CEP83: variants seen among roughly 807,000 people sequenced by gnomAD.
The protein encoded by CEP83 is centrosomal protein 83, also known as centrosomal protein of 83 kDa.
In CEP83, 70 loss-of-function variants were observed where a neutral mutation model predicts 101.9. That is an observed-to-expected ratio of 0.69 (90% CI 0.57 to 0.84). CEP83 has a LOEUF of 0.84. CEP83 is among the 40% of genes least tolerant of loss of function. CEP83 has a pLI of 0.00. For missense variants in CEP83, 715 were observed against 787.2 expected (o/e 0.91, Z 1.10); for synonymous variants, 264 against 267.9 (o/e 0.99, Z 0.14).
At chr12:94,405,014 C>T (rs2063458626) in intron 4 of CEP83, among the ~76,000 whole-genome samples, 2 of 152,102 alleles carry the variant, frequency 1.3e-5, no homozygotes, top group South Asian at 4.1e-4. Flanking sequence ...GGGAGAGTAG[C>T]TGTAGCTGTG....
intron 5 of CEP83, among the ~76,000 whole-genome samples, chr12:94,402,056 G>C (rs1386938121): frequency 6.6e-6 from 1 of 152,206 alleles, no homozygotes; most frequent in Non-Finnish European, 1.5e-5. Context: ...TATATAAAAT[G>C]TCTACCAAGT....
At chr12:94,340,220 A>G (rs2059619971) in intron 11 of CEP83, among the ~76,000 whole-genome samples, 1 of 152,220 alleles carries the variant, frequency 6.6e-6, no homozygotes, top group Non-Finnish European at 1.5e-5. Context: ...ACTACAGGAT[A>G]TCATAAATGT....
intron 11 of CEP83, among the ~76,000 whole-genome samples, chr12:94,341,740 T>G (rs1222562477): frequency 6.6e-6 from 1 of 152,130 alleles, no homozygotes; most frequent in Non-Finnish European, 1.5e-5. Flanking sequence ...GCTAAAGGAA[T>G]GAAAGCTGTT....
intron 6 of CEP83, among the ~76,000 whole-genome samples, chr12:94,381,441 T>C (rs762331609): frequency 1.3e-5 from 2 of 152,212 alleles, no homozygotes; most frequent in African/African-American, 4.8e-5. Context: ...TGTTAACTAA[T>C]ATTACTTTTT....
chr12:94,301,339 C>CTATGGA, the CEP83 span, among the ~76,000 whole-genome samples: 1 of 152,168 alleles, frequency 6.6e-6, no homozygotes, highest in African/African-American at 2.4e-5. Context: ...GAAAAATATT[C>CTATGGA]TATGGACACT....
At chr12:94,342,519 GC>G (rs1366148397) in intron 11 of CEP83, among the ~76,000 whole-genome samples, 1 of 152,092 alleles carries the variant, frequency 6.6e-6, no homozygotes, top group African/African-American at 2.4e-5. Flanking sequence ...CCAAATCCCA[GC>G]AAGTGATCTC....
chr12:94,388,692 C>CT (rs2137334190), intron 6 of CEP83, among the ~76,000 whole-genome samples: 1 of 152,268 alleles, frequency 6.6e-6, no homozygotes, highest in East Asian at 1.9e-4. Context: ...TTTACACTGA[C>CT]TTTAATTTGT....
At chr12:94,426,201 C>G (rs531901861) in intron 2 of CEP83, among the ~76,000 whole-genome samples, 1 of 152,064 alleles carries the variant, frequency 6.6e-6, no homozygotes, top group South Asian at 2.1e-4. Context: ...TGAGCACATA[C>G]TGCTGTTTTC....
In CEP83 at chr12:94,308,698, C is replaced by A; in HGVS notation, c.*115G>T. On this transcript the variant is annotated 3_prime_UTR_variant, in exon 17 of 17. Transcript: ENST00000397809. Reference sequence around the variant, plus strand: ...ATGTAGTAGGTACCTTTTCTTGAGGCACATTCAAGTGTTTTGGCAAACAGT... The same window carrying A: ...ATGTAGTAGGTACCTTTTCTTGAGGAACATTCAAGTGTTTTGGCAAACAGT... The A allele has an allele frequency of 4.5e-6, 3 of 671,034 alleles. No homozygotes were observed. The highest frequency in any genetic ancestry group is 2.4e-5 in the Admixed American group (1 of 41,048). 41.6% of individuals were successfully genotyped at this position (671,034 alleles called of 1,614,324 possible).
intron 11 of CEP83, among the ~76,000 whole-genome samples, chr12:94,347,542 TA>T (rs2059997610): frequency 1.3e-5 from 2 of 152,216 alleles, no homozygotes; most frequent in Admixed American, 6.5e-5. Context: ...TATGACTTAG[TA>T]ATCCCATTTC....
rs182922573 is a variant in CEP83, at chr12:94,344,439, A to G, written c.1344-8775T>C. On this transcript the variant is annotated intron_variant, in intron 11 of 16. Transcript: ENST00000397809. ...TAAACTAAAAGAAAGCCCAAGGTAT[A>G]CAACATGACCTTAGAAAACTCTAAG... Among the ~76,000 whole-genome samples, 179 of 152,320 alleles carry G rather than the reference A, an allele frequency of 1.2e-3. 1 individual carries two copies. The East Asian group carries it at 0.023, about 20-fold the overall frequency.
intron 11 of CEP83, among the ~76,000 whole-genome samples, chr12:94,357,363 G>GA (rs1555228535): frequency 1.3e-5 from 2 of 151,982 alleles, no homozygotes; most frequent in African/African-American, 2.4e-5. Context: ...AAAGAATGTA[G>GA]AAAAAATCAG....
chr12:94,267,847 CCTT>C, the CEP83 span, among the ~76,000 whole-genome samples: 1 of 152,182 alleles, frequency 6.6e-6, no homozygotes, highest in Non-Finnish European at 1.5e-5. Context: ...TCCCTCCTCC[CCTT>C]CTTTTTCACT....
intron 11 of CEP83, among the ~76,000 whole-genome samples, chr12:94,362,081 A>G (rs921453103): frequency 6.6e-6 from 1 of 152,208 alleles, no homozygotes; most frequent in Non-Finnish European, 1.5e-5. Context: ...AGCCCCAAGT[A>G]ATTTCATTTA....
the CEP83 span, among the ~76,000 whole-genome samples, chr12:94,299,628 C>T: frequency 1.7e-4 from 26 of 151,734 alleles, no homozygotes; most frequent in African/African-American, 4.8e-4. Context: ...GGTGGGATCT[C>T]GGTTCACTGC....
intron 11 of CEP83, among the ~76,000 whole-genome samples, chr12:94,346,216 AT>A (rs945620838): frequency 2.0e-5 from 3 of 151,606 alleles, no homozygotes; most frequent in Non-Finnish European, 4.4e-5. Context: ...CGCCCAACTA[AT>A]TTTTTTTGTA....
chr12:94,343,470 C>CTTTTTTTTTTTTTT lies in CEP83; in HGVS notation c.1344-7820_1344-7807dup, dbSNP rs1161481202. 4.0e-4 allele frequency among the ~76,000 whole-genome samples: 34 copies of CTTTTTTTTTTTTTT among 84,178 alleles called. 4 individuals are homozygous for CTTTTTTTTTTTTTT. Among genetic ancestry groups the CTTTTTTTTTTTTTT allele is most frequent in the African/African-American group, 6.8e-4 (13 of 19,070 alleles). The allele number at this position is 84,178 out of a possible 152,430, so 55.2% of individuals were successfully genotyped here. On this transcript the variant is annotated intron_variant, in intron 11 of 16. Coordinates refer to ENST00000397809, the MANE Select transcript of CEP83 (RefSeq NM_016122.3). The stretch of plus-strand genomic sequence containing the variant: ...ACAATGCAATAAAGCTAGAAATTAA[C>CTTTTTTTTTTTTTT]TTTTTTTTTTTTTTTTTTTTTTTTT...
intron 11 of CEP83, among the ~76,000 whole-genome samples, chr12:94,351,600 C>G (rs969924700): frequency 2.6e-5 from 4 of 152,188 alleles, no homozygotes; most frequent in African/African-American, 9.7e-5. Flanking sequence ...CAATCTAGCA[C>G]AGCAGGGAGG....
chr12:94,457,301 C>G (rs1197918342), intron 1 of CEP83, among the ~76,000 whole-genome samples: 1 of 152,104 alleles, frequency 6.6e-6, no homozygotes, highest in Non-Finnish European at 1.5e-5. Flanking sequence ...ACACACATTC[C>G]CTAAAAGCAC....
Sources: gnomAD v4.1 joint callset for allele counts (sites outside exome capture counted in the v4.1 genomes callset) on GRCh38, gnomAD v4.1.1 for gene constraint, MANE v1.5 for transcripts, NCBI Gene and HGNC (gene_info 2026-07-23, HGNC 2026-07-21) for gene names.